Variants in AP3B1 observed in about 807,000 individuals in gnomAD.
The protein encoded by AP3B1 is AP-3 complex subunit beta-1.
In AP3B1, 61 loss-of-function variants were observed where a neutral mutation model predicts 132.5. The ratio of observed to expected loss-of-function variants is 0.46; its 90% CI spans 0.37 to 0.57. The LOEUF (loss-of-function observed/expected upper bound fraction) is 0.57, where lower values mean the gene tolerates loss of function less well. AP3B1 is among the 20% of genes least tolerant of loss of function. AP3B1 has a pLI of 0.00. For missense variants in AP3B1, 1,120 were observed against 1,289.4 expected (o/e 0.87, Z 2.01); for synonymous variants, 388 against 438.3 (o/e 0.89, Z 1.43).
At chr5:78,129,333 G>T in intron 15 of AP3B1, 26 bp from the exon 16 acceptor site, 2 of 1,529,316 alleles carry the variant, frequency 1.3e-6, no homozygotes, top group South Asian at 1.1e-5. Context: ...AGATCAAGAT[G>T]AGAATACAGT....
chr5:78,125,547 G>A (rs910332539), intron 17 of AP3B1, among the ~76,000 whole-genome samples: 1 of 152,050 alleles, frequency 6.6e-6, no homozygotes, highest in Admixed American at 6.6e-5. Context: ...ATTATTTTTT[G>A]TATTGTAGCT....
chr5:78,194,872 A>C (rs1338751388), intron 7 of AP3B1, among the ~76,000 whole-genome samples: 2 of 152,224 alleles, frequency 1.3e-5, no homozygotes, highest in Non-Finnish European at 2.9e-5. Context: ...AAAATGACTC[A>C]AAAAGGAGTC....
intron 16 of AP3B1, among the ~76,000 whole-genome samples, chr5:78,128,399 T>C (rs1752554792): frequency 6.6e-6 from 1 of 152,176 alleles, no homozygotes; most frequent in African/African-American, 2.4e-5. Context: ...TGCTCTGAAA[T>C]GTAGCTTCTC....
chr5:78,227,346 T>C (rs1408265458), intron 5 of AP3B1, 26 bp downstream of exon 5: 2 of 1,605,662 alleles, frequency 1.2e-6, no homozygotes, highest in Admixed American at 3.3e-5. Context: ...CAGAGATCTT[T>C]GGTATATTGT....
intron 13 of AP3B1, among the ~76,000 whole-genome samples, chr5:78,159,553 T>G (rs1484758745): frequency 6.6e-6 from 1 of 152,120 alleles, no homozygotes; most frequent in African/African-American, 2.4e-5. Flanking sequence ...CTTCCAACAA[T>G]CACATCACCC....
chr5:78,151,458 A>G (rs966285064), intron 14 of AP3B1, among the ~76,000 whole-genome samples: 1 of 152,086 alleles, frequency 6.6e-6, no homozygotes, highest in Non-Finnish European at 1.5e-5. Context: ...AAAGGCTAAG[A>G]TTTTCCCCAT....
intron 7 of AP3B1, among the ~76,000 whole-genome samples, chr5:78,199,733 T>A (rs1355539786): frequency 1.3e-5 from 2 of 152,150 alleles, no homozygotes; most frequent in African/African-American, 4.8e-5. Flanking sequence ...GTTCCTTTTG[T>A]TTAATACTAT....
intron 22 of AP3B1, among the ~76,000 whole-genome samples, chr5:78,051,773 T>C (rs546888903): frequency 6.6e-6 from 1 of 152,276 alleles, no homozygotes; most frequent in East Asian, 1.9e-4. Context: ...TTTACATCAG[T>C]ATCTATTTTG....
Position 78,181,608 on chromosome 5 carries a change from T to C in AP3B1, c.841A>G (p.Lys281Glu), listed in dbSNP as rs1437339620. Reference protein sequence around the residue: ...KNFYESDDDQKEKTDKKKKPY... With the variant: ...KNFYESDDDQEEKTDKKKKPY... ...TTCTTCTTTTTGTCAGTCTTTTCCT[T>C]CTGATCATCATCAGATTCGTAGAAA... is the stretch of plus-strand genomic sequence containing the variant. The change falls in exon 8 of 27, where the codon AAG becomes GAG. Residue 281 changes from lysine to glutamate, a missense_variant. Coordinates refer to ENST00000255194, the MANE Select transcript of AP3B1 (RefSeq NM_003664.5). 1.2e-6 allele frequency: 2 copies of C among 1,612,586 alleles called. No individual in the cohort carries two copies. The highest frequency in any genetic ancestry group is 8.5e-7 in the Non-Finnish European group (1 of 1,179,398).
intron 2 of AP3B1, among the ~76,000 whole-genome samples, chr5:78,263,040 A>G (rs143897700): frequency 1.1e-4 from 16 of 151,922 alleles, no homozygotes; most frequent in Non-Finnish European, 1.8e-4. Context: ...TTTTAGGATG[A>G]ATTTTTTTCT....
At chr5:78,116,957 T>A (rs1280985995) in intron 17 of AP3B1, among the ~76,000 whole-genome samples, 1 of 152,038 alleles carries the variant, frequency 6.6e-6, no homozygotes, top group Non-Finnish European at 1.5e-5. Flanking sequence ...AAAGCCGAAG[T>A]CCCTACAACA....
intron 3 of AP3B1, among the ~76,000 whole-genome samples, chr5:78,238,503 G>A (rs1005853704): frequency 1.3e-4 from 20 of 152,044 alleles, no homozygotes; most frequent in African/African-American, 3.9e-4. Context: ...TGCCAAAAAC[G>A]TTGGGGACTA....
Position 78,233,454 on chromosome 5 carries a change from T to C in AP3B1, c.280-5215A>G, listed in dbSNP as rs139470756. ...TTCATCATATTGTTCAGGCTGGTCT[T>C]GAACTCCTGACCTCAGGTGATCCGC... is the stretch of plus-strand genomic sequence containing the variant. On this transcript the variant is annotated intron_variant, in intron 3 of 26. Coordinates refer to ENST00000255194, the MANE Select transcript of AP3B1 (RefSeq NM_003664.5). Among the ~76,000 whole-genome samples, 10 of 151,718 alleles carry C rather than the reference T, an allele frequency of 6.6e-5. 1 individual carries two copies. The highest frequency in any genetic ancestry group is 4.6e-4 in the Admixed American group (7 of 15,256).
intron 1 of AP3B1, among the ~76,000 whole-genome samples, chr5:78,289,138 T>C (rs889288704): frequency 1.8e-4 from 27 of 152,206 alleles, no homozygotes; most frequent in Admixed American, 9.8e-4. Context: ...TCCCTCTAAG[T>C]AAATGAATCT....
chr5:78,282,268 G>A (rs1749090253), intron 1 of AP3B1, among the ~76,000 whole-genome samples: 1 of 151,380 alleles, frequency 6.6e-6, no homozygotes, highest in Non-Finnish European at 1.5e-5. Flanking sequence ...TTTTATTTCT[G>A]TTAAAGCAAA....
intron 11 of AP3B1, among the ~76,000 whole-genome samples, chr5:78,174,698 G>C (rs1391760378): frequency 6.6e-6 from 1 of 152,238 alleles, no homozygotes; most frequent in Non-Finnish European, 1.5e-5. Context: ...CACTTGAGGA[G>C]GCCATCTGTC....
At chr5:78,265,005 C>G (rs1212312687) in intron 2 of AP3B1, among the ~76,000 whole-genome samples, 1 of 152,162 alleles carries the variant, frequency 6.6e-6, no homozygotes, top group African/African-American at 2.4e-5. Flanking sequence ...ATTTATTTCA[C>G]TAAATCCCTG....
chr5:78,001,041 A>G (rs545274400), downstream of AP3B1: 1 of 152,346 alleles, frequency 6.6e-6, no homozygotes, highest in South Asian at 2.1e-4. Flanking sequence ...AAAAGTTAGC[A>G]GCCAAAAATA....
At chr5:78,267,965 A>G (rs953089913) in intron 1 of AP3B1, among the ~76,000 whole-genome samples, 2 of 152,246 alleles carry the variant, frequency 1.3e-5, no homozygotes, top group Non-Finnish European at 2.9e-5. Flanking sequence ...AAATGCAATG[A>G]AATTTATTAT....
Sources: allele counts gnomAD v4.1 joint callset (sites outside exome capture counted in the v4.1 genomes callset), GRCh38; gene constraint gnomAD v4.1.1; transcripts MANE v1.5; gene names NCBI Gene and HGNC (gene_info 2026-07-23, HGNC 2026-07-21).